Variants in TMEM131 observed in about 807,000 individuals in gnomAD.
The protein encoded by TMEM131 is 2610524E03Rik.
In TMEM131, 66 loss-of-function variants were observed where a neutral mutation model predicts 211.6. The observed-to-expected ratio is 0.31, with a 90% CI of 0.26 to 0.38. The LOEUF (loss-of-function observed/expected upper bound fraction) is 0.38, where lower values mean the gene tolerates loss of function less well. TMEM131 is among the 10% of genes least tolerant of loss of function. TMEM131 has a pLI of 1.00. For missense variants in TMEM131, 2,036 were observed against 2,299.3 expected (o/e 0.89, Z 2.34); for synonymous variants, 844 against 841.3 (o/e 1.00, Z -0.06).
intron 1 of TMEM131, among the ~76,000 whole-genome samples, chr2:97,941,476 G>C (rs1423949250): frequency 6.6e-6 from 1 of 152,164 alleles, no homozygotes; most frequent in Non-Finnish European, 1.5e-5. Context: ...TGACAGATGG[G>C]ATCTAATTAA....
Position 97,757,402 on chromosome 2 carries a change from C to T in TMEM131, c.5368-19G>A, listed in dbSNP as rs62157630. 0.07 allele frequency: 109,460 copies of T among 1,565,072 alleles called. 4,203 individuals carry two copies. The highest frequency in any genetic ancestry group is 0.11 in the Middle Eastern group (584 of 5,266). ...GGACCGACTGCGACAAAACAGAAAGCGTCCAGCACTGAGCCCGGCAGGCAG... is the reference window on the plus strand; with the variant it reads ...GGACCGACTGCGACAAAACAGAAAGTGTCCAGCACTGAGCCCGGCAGGCAG... On this transcript the variant is annotated intron_variant, in intron 40 of 40. Transcript: ENST00000186436.
chr2:97,841,610 CCAGACTGCTGTATTCCAAAATT>C (rs11275209), intron 7 of TMEM131, among the ~76,000 whole-genome samples, 183 bp downstream of exon 7: 116,827 of 150,538 alleles, frequency 0.78, 47,161 homozygotes, highest in African/African-American at 0.92. Flanking sequence ...AATTCAAAAT[CCAGACTGCTGTATTCCAAAATT>C]CAGACTGCTG....
At chr2:97,994,234 G>C (rs1229697724) in intron 1 of TMEM131, among the ~76,000 whole-genome samples, 3 of 152,188 alleles carry the variant, frequency 2.0e-5, no homozygotes, top group Non-Finnish European at 1.5e-5. Context: ...GACAACCCCA[G>C]GACCGACTAG....
At chr2:97,913,592 A>G (rs1676381034) in intron 2 of TMEM131, among the ~76,000 whole-genome samples, 1 of 152,218 alleles carries the variant, frequency 6.6e-6, no homozygotes, top group Non-Finnish European at 1.5e-5. Context: ...AGCTTACATG[A>G]GCTGAAGTTG....
At chr2:97,928,316 A>C (rs1573570122) in intron 1 of TMEM131, among the ~76,000 whole-genome samples, 1 of 152,062 alleles carries the variant, frequency 6.6e-6, no homozygotes, top group Non-Finnish European at 1.5e-5. Context: ...GGTTGCTAGG[A>C]GATCAGGGGG....
chr2:97,963,172 G>C (rs1203607845), intron 1 of TMEM131, among the ~76,000 whole-genome samples: 1 of 152,106 alleles, frequency 6.6e-6, no homozygotes, highest in East Asian at 1.9e-4. Context: ...TACCTCAATA[G>C]AGTTGGCTAA....
chr2:97,767,534 T>C (rs1385824540), intron 33 of TMEM131, among the ~76,000 whole-genome samples: 1 of 152,080 alleles, frequency 6.6e-6, no homozygotes, highest in African/African-American at 2.4e-5. Context: ...AAGGACCTTT[T>C]CCAGCAAAGG....
intron 4 of TMEM131, among the ~76,000 whole-genome samples, chr2:97,865,228 A>G (rs1314521737): frequency 1.3e-5 from 2 of 152,220 alleles, no homozygotes; most frequent in Admixed American, 1.3e-4. Flanking sequence ...AAGTAACATG[A>G]TATGTTTGGA....
chr2:97,995,559 G>A lies in TMEM131; in HGVS notation c.104C>T (p.Pro35Leu). 1.5e-6 allele frequency: 2 copies of A among 1,320,660 alleles called. No individual in the cohort carries two copies. Among genetic ancestry groups the A allele is most frequent in the Admixed American group, 3.7e-5 (1 of 27,066 alleles). 81.8% of individuals were successfully genotyped at this position (1,320,660 alleles called of 1,614,324 possible). Reference sequence around the variant, plus strand: ...TAGGAGGCCGGCGGCCGCGCTCCGCGGGCCCCCGCTACGGGCGGCCGCAGG... The same window carrying A: ...TAGGAGGCCGGCGGCCGCGCTCCGCAGGCCCCCGCTACGGGCGGCCGCAGG... ...LEPAAARSGG[P>L]RSAAAGLLGA... Residue 35 changes from proline (P) to leucine (L), a missense_variant, in exon 1 of 41, where the codon CCG becomes CTG. Transcript: ENST00000186436.
intron 3 of TMEM131, among the ~76,000 whole-genome samples, chr2:97,900,497 A>G (rs1258160228): frequency 1.3e-5 from 2 of 151,898 alleles, no homozygotes; most frequent in Non-Finnish European, 2.9e-5. Context: ...AAATGACAGG[A>G]TTTCCTTATT....
At chr2:97,910,727 T>G (rs11903844) in intron 2 of TMEM131, among the ~76,000 whole-genome samples, 3,158 of 151,686 alleles carry the variant, frequency 0.021, 126 homozygotes, top group African/African-American at 0.073. Context: ...TGATGATGAG[T>G]TTTTTTTTCT....
Position 97,760,776 on chromosome 2 carries a change from G to A in TMEM131, c.5011+17C>T, listed in dbSNP as rs1276722675. On this transcript the variant is annotated intron_variant, in intron 37 of 40. Transcript: ENST00000186436. ...CTGGCGCCTGGCGTGGCAGGTCTCT[G>A]AAGCAAAGGCACTGACCTGGGCTCT... 6.2e-7 allele frequency: 1 copy of A among 1,613,704 alleles called. No homozygotes were observed. Among genetic ancestry groups the A allele is most frequent in the African/African-American group, 1.3e-5 (1 of 74,924 alleles).
chr2:97,921,483 A>T (rs186911179), intron 2 of TMEM131, among the ~76,000 whole-genome samples: 22 of 152,360 alleles, frequency 1.4e-4, no homozygotes, highest in Non-Finnish European at 2.5e-4. Flanking sequence ...ACCATAATGG[A>T]AAATACTGAC....
At chr2:97,783,874 T>C (rs1308163211) in intron 31 of TMEM131, among the ~76,000 whole-genome samples, 2 of 151,582 alleles carry the variant, frequency 1.3e-5, no homozygotes, top group East Asian at 3.9e-4. Flanking sequence ...GTACTTCAAA[T>C]ACAATGATAT....
intron 4 of TMEM131, among the ~76,000 whole-genome samples, chr2:97,873,630 A>G (rs556980727): frequency 1.3e-5 from 2 of 152,364 alleles, no homozygotes; most frequent in South Asian, 4.1e-4. Context: ...GACCTCCAGC[A>G]AACTCCAGCA....
At chr2:97,965,576 C>A (rs576087949) in intron 1 of TMEM131, among the ~76,000 whole-genome samples, 5 of 152,216 alleles carry the variant, frequency 3.3e-5, no homozygotes, top group African/African-American at 1.2e-4. Context: ...CCAAGGGCCA[C>A]GCTGCTAAGC....
At chr2:97,798,865 T>C (rs553937160) in intron 25 of TMEM131, among the ~76,000 whole-genome samples, 1 of 152,328 alleles carries the variant, frequency 6.6e-6, no homozygotes, top group East Asian at 1.9e-4. Flanking sequence ...CCCTTTTAAA[T>C]CAACTACTCT....
Position 97,775,914 on chromosome 2 carries a change from A to G in TMEM131, c.4249T>C (p.Leu1417=), listed in dbSNP as rs759897530. Residue 1417 remains leucine (L), a synonymous_variant, in exon 32 of 41, where the codon TTG becomes CTG. Transcript: ENST00000186436. ...KPQEDELKDS[L]ADDDSSSTTT... ...GTGGAGGAGCTATCATCATCAGCCA[A>G]AGAGTCCTTCAGCTCATCTTCCTGT... 7 of 1,613,810 alleles carry G rather than the reference A, an allele frequency of 4.3e-6. No individual in the cohort carries two copies. The highest frequency in any genetic ancestry group is 2.2e-5 in the South Asian group (2 of 91,060).
intron 11 of TMEM131, among the ~76,000 whole-genome samples, chr2:97,826,954 C>T (rs1682418273): frequency 6.6e-6 from 1 of 150,978 alleles, no homozygotes; most frequent in Non-Finnish European, 1.5e-5. Context: ...TAACTAATTA[C>T]TATACAAAGG....
Sources: allele counts gnomAD v4.1 joint callset (sites outside exome capture counted in the v4.1 genomes callset), GRCh38; gene constraint gnomAD v4.1.1; transcripts MANE v1.5; gene names NCBI Gene and HGNC (gene_info 2026-07-23, HGNC 2026-07-21).